Variants in CRYBG2 observed in about 807,000 individuals in gnomAD.
CRYBG2 encodes the protein crystallin beta-gamma domain containing 2.
CRYBG2 carries 106 observed loss-of-function variants against 153.4 expected under a neutral mutation model. The observed-to-expected ratio is 0.69, with a 90% CI of 0.59 to 0.81. The LOEUF (loss-of-function observed/expected upper bound fraction) is 0.81. Ranked by LOEUF, CRYBG2 falls within the 30% of genes least tolerant of loss-of-function variation. The pLI is 0.00. For missense variants in CRYBG2, 1,996 were observed against 2,112.0 expected (o/e 0.95, Z 1.08); for synonymous variants, 851 against 877.8 (o/e 0.97, Z 0.54).
At chr1:26,353,435 A>G (rs901323994) in intron 1 of CRYBG2, among the ~76,000 whole-genome samples, 19 of 152,130 alleles carry the variant, frequency 1.2e-4, no homozygotes, top group African/African-American at 4.6e-4. Flanking sequence ...TAGGAGAGTC[A>G]TTTCAACACA....
At chr1:26,352,729 A>T (rs1181266130) in intron 1 of CRYBG2, among the ~76,000 whole-genome samples, 2 of 148,838 alleles carry the variant, frequency 1.3e-5, no homozygotes, top group African/African-American at 2.5e-5. Flanking sequence ...GATAGAAACC[A>T]CCTCCCCCCA....
At chr1:26,330,274 G>A (rs1265174770) in intron 15 of CRYBG2, among the ~76,000 whole-genome samples, 1 of 152,114 alleles carries the variant, frequency 6.6e-6, no homozygotes, top group Non-Finnish European at 1.5e-5. Context: ...GAGGAAACAG[G>A]CTGGAGAGGG....
At chr1:26,340,560 T>C (rs2074116467) in intron 5 of CRYBG2, among the ~76,000 whole-genome samples, 1 of 152,222 alleles carries the variant, frequency 6.6e-6, no homozygotes, top group Admixed American at 6.5e-5. Flanking sequence ...CACAATTAAT[T>C]GTCCACAAAC....
intron 15 of CRYBG2, 25 bp from the exon 16 acceptor site, chr1:26,328,898 G>A (rs991253476): frequency 6.2e-7 from 1 of 1,613,036 alleles, no homozygotes; most frequent in African/African-American, 1.3e-5. Context: ...ACAGAAGAGG[G>A]TGAGGCTCTG....
In CRYBG2 at chr1:26,346,558, G is replaced by A. The variant is rs1264329450; in HGVS notation, c.100C>T (p.His34Tyr). The change falls in exon 2 of 20, where the codon CAT (histidine) becomes TAT (tyrosine). Residue 34 changes from histidine (H) to tyrosine (Y), a missense_variant. His to Tyr is a moderately conservative substitution (Grantham distance 83, BLOSUM62 2). Coordinates refer to ENST00000308182, the MANE Select transcript of CRYBG2 (RefSeq NM_001039775.4). This position sits in a 1 kb window ranked among gnomAD's most constrained non-coding sequence, Gnocchi z 4.9. ...QRPPTQEEIK[H>Y]GFHKVSLVSG... ...ACCAGGGACACCTTGTGAAAACCAT[G>A]TTTGATCTCTTCCTGGGTGGGGGGC... is the stretch of plus-strand genomic sequence containing the variant. 1 of 1,610,652 alleles carries A rather than the reference G, an allele frequency of 6.2e-7. No homozygotes were observed. The highest frequency in any genetic ancestry group is 2.2e-5 in the East Asian group (1 of 44,788).
rs987280993 is a variant in CRYBG2, at chr1:26,336,891, C to T, written c.3861G>A (p.Glu1287=). 2 of 1,611,046 alleles carry T rather than the reference C, an allele frequency of 1.2e-6. No homozygotes were observed. Among genetic ancestry groups the T allele is most frequent in the Non-Finnish European group, 1.7e-6 (2 of 1,178,798 alleles). Residue 1287 remains glutamate (E), a synonymous_variant, in exon 11 of 20, where the codon GAG becomes GAA. Coordinates refer to ENST00000308182, the MANE Select transcript of CRYBG2 (RefSeq NM_001039775.4). The surrounding 1 kb of genome is among the most constrained non-coding windows in gnomAD (Gnocchi z 4.9). ...GTGTGCTGGGGCCGTGTTGCACCAG[C>T]TCCACATCCGGCAATGCCTTGCTCA... is the stretch of plus-strand genomic sequence containing the variant. ...VEVSKALPDV[E]LVQHGPSTQA... is the part of the protein sequence containing the mutation.
At position 26,336,023 on chromosome 1, in the gene CRYBG2, T is replaced by G. The variant is rs900444772; in HGVS notation, c.4184+72A>C. The G allele has an allele frequency of 8.0e-6, 10 of 1,256,736 alleles. No individual in the cohort carries two copies. The African/African-American group carries it at 1.1e-4, about 13-fold the overall frequency. 77.8% of individuals were successfully genotyped at this position (1,256,736 alleles called of 1,614,324 possible). A position where few individuals can be genotyped will look rare whatever the true frequency, so the allele number is the denominator to read the frequency against. ...AAGGTAGCCAAAGGAAGGAAATCAT[T>G]TGAAAGACTCTCCTCCTGCAGCCCC... On this transcript the variant is annotated intron_variant, in intron 14 of 19. Transcript: ENST00000308182. This position sits in a 1 kb window ranked among gnomAD's most constrained non-coding sequence, Gnocchi z 4.9.
intron 1 of CRYBG2, among the ~76,000 whole-genome samples, chr1:26,351,513 G>A (rs57516379): frequency 0.089 from 13,578 of 152,236 alleles, 640 homozygotes; most frequent in Non-Finnish European, 0.1. Context: ...ATATTAAGAA[G>A]CCAGGGGCCA....
Position 26,346,449 on chromosome 1 carries a change from G to A in CRYBG2, c.209C>T (p.Thr70Ile), listed in dbSNP as rs1381487434. The change falls in exon 2 of 20, where the codon ACA becomes ATA. Residue 70 changes from threonine to isoleucine, a missense_variant. Transcript: ENST00000308182. The surrounding 1 kb of genome is among the most constrained non-coding windows in gnomAD (Gnocchi z 4.9). ...GCAATTCACAGTCTCTTCTTCCTGT[G>A]TTGCAAAGCCATTGACTTCCACTTC... is the stretch of plus-strand genomic sequence containing the variant. The part of the protein sequence containing the change: ...REEVEVNGFA[T>I]QEEETVNCQG... 9 of 1,604,720 alleles carry A rather than the reference G, an allele frequency of 5.6e-6. No individual in the cohort carries two copies. The highest frequency in any genetic ancestry group is 1.3e-5 in the African/African-American group (1 of 75,000).
intron 1 of CRYBG2, among the ~76,000 whole-genome samples, chr1:26,353,434 C>T (rs2074306700): frequency 6.6e-6 from 1 of 152,180 alleles, no homozygotes; most frequent in Non-Finnish European, 1.5e-5. Context: ...TTAGGAGAGT[C>T]ATTTCAACAC....
In CRYBG2 at chr1:26,324,293, G is replaced by C. The variant is rs1427515465; in HGVS notation, c.4596C>G (p.Arg1532=). ...ATCCCCCCAGTGCTGCATTCCAGAG[G>C]CGGAAATAAACCCGGCGCTGGTGGC... The part of the protein sequence containing the change: ...YPIKQRRVYF[R]LWNAALGGFL... Residue 1532 remains arginine (R), a synonymous_variant, in exon 18 of 20, where the codon CGC becomes CGG. Transcript: ENST00000308182. 1.2e-6 allele frequency: 2 copies of C among 1,608,162 alleles called. No individual in the cohort carries two copies. Among genetic ancestry groups the C allele is most frequent in the South Asian group, 2.2e-5 (2 of 91,022 alleles).
At position 26,343,099 on chromosome 1, in the gene CRYBG2, C is replaced by T. The variant is rs918226274; in HGVS notation, c.3022G>A (p.Val1008Ile). The T allele has an allele frequency of 4.4e-5, 68 of 1,550,316 alleles. No homozygotes were observed. The highest frequency in any genetic ancestry group is 2.0e-4 in the Admixed American group (10 of 50,972). ...GSGREVWGDIVDASGWAPVAS... is the reference protein window; with the variant it reads ...GSGREVWGDIIDASGWAPVAS... ...ACGGGGGCCCAGCCTGAGGCATCAA[C>T]GATGTCTCCCCAGACCTCCCTGCCA... is the stretch of plus-strand genomic sequence containing the variant. Residue 1008 changes from valine (V) to isoleucine (I), a missense_variant, in exon 4 of 20, where the codon GTT (valine) becomes ATT (isoleucine). By Grantham distance (29) the Val-to-Ile change is conservative. Transcript: ENST00000308182. The surrounding 1 kb of genome is among the most constrained non-coding windows in gnomAD (Gnocchi z 4.1).
At position 26,345,914 on chromosome 1, in the gene CRYBG2, G is replaced by T. The variant is rs774717228; in HGVS notation, c.744C>A (p.Pro248=). The change falls in exon 2 of 20, where the codon CCC becomes CCA. Residue 248 remains proline (P), a synonymous_variant. Coordinates refer to ENST00000308182, the MANE Select transcript of CRYBG2 (RefSeq NM_001039775.4). ...TGGGCCTGGGCAGGTGACTGGCAGG[G>T]GGGCTGTGCCCAGCAGGCACGAGGT... ...LSNLVPAGHS[P]PASHLPRPTA... 113 of 1,597,030 alleles carry T rather than the reference G, an allele frequency of 7.1e-5. 1 individual carries two copies. The Admixed American group carries it at 7.3e-4, about 10-fold the overall frequency.
intron 4 of CRYBG2, 31 bp from the exon 5 acceptor site, chr1:26,342,914 T>C: frequency 6.2e-7 from 1 of 1,613,216 alleles, no homozygotes; most frequent in East Asian, 2.2e-5. Context: ...GGATCACAGA[T>C]GGGGAGGAGG....
rs1570206955 is a variant in CRYBG2, at chr1:26,345,325, T to C, written c.1333A>G (p.Lys445Glu). ...ACATTTTCAGAGTTCTGAACAAACT[T>C]ATTCCTTGGGGACGATGGAGCAGAA... is the stretch of plus-strand genomic sequence containing the variant. ...GLSAPSSPRN[K>E]FVQNSENVPV... The change falls in exon 2 of 20, where the codon AAG becomes GAG. Residue 445 changes from lysine to glutamate, a missense_variant. Lys to Glu is a moderately conservative substitution (Grantham distance 56). Coordinates refer to ENST00000308182, the MANE Select transcript of CRYBG2 (RefSeq NM_001039775.4). The C allele has an allele frequency of 6.2e-7, 1 of 1,613,344 alleles. No individual in the cohort carries two copies. The highest frequency in any genetic ancestry group is 1.3e-5 in the African/African-American group (1 of 74,884).
intron 14 of CRYBG2, among the ~76,000 whole-genome samples, chr1:26,332,640 G>A (rs1043584650): frequency 1.9e-4 from 29 of 151,966 alleles, no homozygotes; most frequent in African/African-American, 6.5e-4. Flanking sequence ...CTGAGTAGCT[G>A]GGACTACAGG....
chr1:26,327,405 T>C (rs1234698457), intron 17 of CRYBG2, among the ~76,000 whole-genome samples: 2 of 151,156 alleles, frequency 1.3e-5, no homozygotes, highest in Non-Finnish European at 2.9e-5. Context: ...GGGGCAGAGG[T>C]TGCAGTGAGC....
In CRYBG2 at chr1:26,345,182, G is replaced by C. The variant is rs778443167; in HGVS notation, c.1476C>G (p.Pro492=). ...QGSSASAASS[P]TWKEVVKGPG... Reference sequence around the variant, plus strand: ...GGCCCTTCACGACCTCTTTCCAGGTGGGGGACGAGGCAGCAGAAGCACTGG... The same window carrying C: ...GGCCCTTCACGACCTCTTTCCAGGTCGGGGACGAGGCAGCAGAAGCACTGG... Residue 492 remains proline, a synonymous_variant, in exon 2 of 20, where the codon CCC becomes CCG. Coordinates refer to ENST00000308182, the MANE Select transcript of CRYBG2 (RefSeq NM_001039775.4). 53 of 1,427,286 alleles carry C rather than the reference G, an allele frequency of 3.7e-5. No individual in the cohort carries two copies. The African/African-American group carries it at 4.9e-4, about 13-fold the overall frequency. The allele number at this position is 1,427,286 out of a possible 1,614,324, so 88.4% of individuals were successfully genotyped here. A position where few individuals can be genotyped will look rare whatever the true frequency, so the allele number is the denominator to read the frequency against.
Position 26,337,263 on chromosome 1 carries a change from AC to A in CRYBG2, c.3760del (p.Val1254SerfsTer26). The A allele has an allele frequency of 6.2e-7, 1 of 1,613,978 alleles. No individual in the cohort carries two copies. Among genetic ancestry groups the A allele is most frequent in the Middle Eastern group, 1.6e-4 (1 of 6,062 alleles). ...ATTGCCTTTGCTTACCGTCCGGATG[AC>A]CCGGAGGGAGGTCAGCAACTCGTCA... is the stretch of plus-strand genomic sequence containing the variant. ...GYDELLTSLR[V>X]IRTDFGDPAV... is the part of the protein sequence containing the mutation. On this transcript the variant is annotated frameshift_variant, in exon 10 of 20. Transcript: ENST00000308182. LOFTEE classifies it high-confidence loss of function.
Sources: gnomAD v4.1 joint callset for allele counts (sites outside exome capture counted in the v4.1 genomes callset) on GRCh38, gnomAD v4.1.1 for gene constraint, Gnocchi (gnomAD v3.1) non-coding constraint, MANE v1.5 for transcripts, NCBI Gene and HGNC (gene_info 2026-07-23, HGNC 2026-07-21) for gene names.